Variants in TNRC18 observed in about 807,000 individuals in gnomAD.
TNRC18 encodes the protein trinucleotide repeat containing 18.
A neutral mutation model predicts 226.7 loss-of-function variants in TNRC18; 69 were observed. The ratio of observed to expected loss-of-function variants is 0.30; its 90% CI spans 0.25 to 0.37. The LOEUF is 0.37. TNRC18 is among the 10% of genes least tolerant of loss of function. TNRC18 has a pLI of 1.00. For missense variants in TNRC18, 4,754 were observed against 4,256.6 expected (o/e 1.12, Z -3.25); for synonymous variants, 2,449 against 1,927.6 (o/e 1.27, Z -7.09).
intron 3 of TNRC18, among the ~76,000 whole-genome samples, chr7:5,393,870 G>A (rs535795141): frequency 2.6e-5 from 4 of 152,156 alleles, no homozygotes; most frequent in East Asian, 3.9e-4. Context: ...AGGTCCCCCC[G>A]CTCTGGGAAA....
intron 5 of TNRC18, among the ~76,000 whole-genome samples, chr7:5,385,714 C>T (rs1779724857): frequency 1.3e-5 from 2 of 151,032 alleles, no homozygotes; most frequent in African/African-American, 2.4e-5. Context: ...TGGCTCACAC[C>T]TATAATCCCA....
intron 10 of TNRC18, among the ~76,000 whole-genome samples, chr7:5,372,388 A>T (rs1562568033): frequency 6.7e-6 from 1 of 149,912 alleles, no homozygotes. Flanking sequence ...TGCCCGGCTA[A>T]TTTTTTATAT....
chr7:5,363,420 G>A (rs1163163790), intron 11 of TNRC18, among the ~76,000 whole-genome samples: 2 of 151,874 alleles, frequency 1.3e-5, no homozygotes, highest in African/African-American at 4.8e-5. Flanking sequence ...GGCTAACACG[G>A]TGAAATCCCA....
chr7:5,389,313 C>G lies in TNRC18; in HGVS notation c.511G>C (p.Gly171Arg). 2 of 1,279,512 alleles carry G rather than the reference C, an allele frequency of 1.6e-6. No homozygotes were observed. The allele number at this position is 1,279,512 out of a possible 1,614,324, so 79.3% of individuals were successfully genotyped here. A position where few individuals can be genotyped will look rare whatever the true frequency, so the allele number is the denominator to read the frequency against. The part of the protein sequence containing the change: ...GGDGFYLPTA[G>R]APGSLHSHAP... ...TGAGAGTGCAGGGAGCCCGGAGCCC[C>G]CGCGGTGGGCAGGTAGAAACCGTCT... is the stretch of plus-strand genomic sequence containing the variant. The change falls in exon 5 of 30, where the codon GGG (glycine) becomes CGG (arginine). Residue 171 changes from glycine (G) to arginine (R), a missense_variant. Coordinates refer to ENST00000430969, the MANE Select transcript of TNRC18 (RefSeq NM_001080495.3).
At chr7:5,345,517 G>GTCCCCCCCCCCCC in intron 18 of TNRC18, 45 bp downstream of exon 18, 2 of 377,744 alleles carry the variant, frequency 5.3e-6, no homozygotes, top group Non-Finnish European at 4.8e-6. Flanking sequence ...AATGGCGTCC[G>GTCCCCCCCCCCCC]CCCCTCCCAC....
chr7:5,310,632 T>C (rs1787081469), intron 27 of TNRC18, among the ~76,000 whole-genome samples: 1 of 152,198 alleles, frequency 6.6e-6, no homozygotes, highest in Non-Finnish European at 1.5e-5. Context: ...CCTCCCAAGC[T>C]TAAGTGATCC....
rs935388843 is a variant in TNRC18 at position 5,423,570 on chromosome 7, G to C, written c.-373C>G. On this transcript the variant is annotated 5_prime_UTR_variant, in exon 1 of 30. Coordinates refer to ENST00000430969, the MANE Select transcript of TNRC18 (RefSeq NM_001080495.3). ...CCGCCGCTCCCCTCCGCCACCCGCA[G>C]CCGCCTCACACTTTTTGCCCGCCTT... 3.3e-5 allele frequency: 5 copies of C among 152,104 alleles called. No homozygotes were observed. Among genetic ancestry groups the C allele is most frequent in the African/African-American group, 1.2e-4 (5 of 41,414 alleles). The allele number at this position is 152,104 out of a possible 1,614,324, so 9.4% of individuals were successfully genotyped here.
In TNRC18 at chr7:5,361,635, C is replaced by T. The variant is rs555146367; in HGVS notation, c.4620G>A (p.Ser1540=). 1.8e-5 allele frequency: 28 copies of T among 1,547,664 alleles called. No individual in the cohort carries two copies. Among genetic ancestry groups the T allele is most frequent in the Middle Eastern group, 1.9e-4 (1 of 5,142 alleles). The change falls in exon 14 of 30, where the codon TCG becomes TCA. Residue 1540 remains serine (S), a synonymous_variant. Coordinates refer to ENST00000430969, the MANE Select transcript of TNRC18 (RefSeq NM_001080495.3). ...CGCTCTTCCCTCTCTTGCGGGGGGG[C>T]GACAGGGCGCTCGGGGCGTGGGTCC... The part of the protein sequence containing the change: ...RKRTHAPSAL[S]PPRKRGKSGH...
At chr7:5,335,663 T>C (rs1162546598) in intron 18 of TNRC18, among the ~76,000 whole-genome samples, 1 of 150,048 alleles carries the variant, frequency 6.7e-6, no homozygotes, top group Non-Finnish European at 1.5e-5. Context: ...GCTCTCTCTC[T>C]CCCCAGTGTC....
intron 18 of TNRC18, among the ~76,000 whole-genome samples, chr7:5,342,585 A>G (rs1480259321): frequency 6.6e-6 from 1 of 152,326 alleles, no homozygotes. Context: ...GAATTGTTGC[A>G]ATGTCATGAG....
chr7:5,310,096 T>C (rs1006413484), intron 27 of TNRC18, among the ~76,000 whole-genome samples: 16 of 152,044 alleles, frequency 1.1e-4, no homozygotes, highest in Admixed American at 2.6e-4. Context: ...GAGATGGGGG[T>C]CTCACTATGT....
In TNRC18 at chr7:5,312,987, G is replaced by A. The variant is rs1245758008; in HGVS notation, c.7904C>T (p.Ser2635Phe). The part of the protein sequence containing the change: ...SSSSSSSSSS[S>F]SSSSSSSSSS... ...GGAAGAGGAGGAGGAGGAAGAGGAG[G>A]AGGAGGAAGAGGAGGATGAGGAGGA... Residue 2635 changes from serine to phenylalanine, a missense_variant, in exon 27 of 30, where the codon TCC becomes TTC. Coordinates refer to ENST00000430969, the MANE Select transcript of TNRC18 (RefSeq NM_001080495.3). The surrounding 1 kb of genome is among the most constrained non-coding windows in gnomAD (Gnocchi z 6.3). 1.0e-6 allele frequency: 1 copy of A among 991,246 alleles called. No homozygotes were observed. The highest frequency in any genetic ancestry group is 1.5e-6 in the Non-Finnish European group (1 of 664,462). 61.4% of individuals were successfully genotyped at this position (991,246 alleles called of 1,614,324 possible).
intron 2 of TNRC18, among the ~76,000 whole-genome samples, chr7:5,410,619 ACT>A (rs1163138484): frequency 6.6e-6 from 1 of 151,944 alleles, no homozygotes; most frequent in African/African-American, 2.4e-5. Context: ...TAATCTCAGC[ACT>A]CTGGGAGACC....
chr7:5,360,386 C>T (rs1207790452), intron 14 of TNRC18, among the ~76,000 whole-genome samples: 2 of 152,028 alleles, frequency 1.3e-5, no homozygotes, highest in Non-Finnish European at 2.9e-5. Context: ...CACACCACCA[C>T]ACCTGGCTAA....
intron 16 of TNRC18, among the ~76,000 whole-genome samples, chr7:5,355,868 AC>A (rs1256285144): frequency 3.3e-5 from 5 of 151,852 alleles, no homozygotes; most frequent in Non-Finnish European, 7.4e-5. Flanking sequence ...ATAAGAAGAG[AC>A]CCTGTCTCAA....
At position 5,308,347 on chromosome 7, in the gene TNRC18, G is replaced by GC. The variant is rs760561517; in HGVS notation, c.8701-36_8701-35insG. 3.8e-6 allele frequency: 6 copies of GC among 1,581,896 alleles called. No individual in the cohort carries two copies. In the South Asian group the frequency reaches 4.6e-5, roughly 12 times the overall value. ...CGCGGGGATATCAGGATGGCAGGTG[G>GC]GGGGCACAGAGGCCGAGGGAGCCCC... On this transcript the variant is annotated intron_variant, in intron 29 of 29. Transcript: ENST00000430969.
chr7:5,362,996 A>G (rs756031069), intron 11 of TNRC18, among the ~76,000 whole-genome samples, 171 bp from the exon 12 acceptor site: 1 of 152,202 alleles, frequency 6.6e-6, no homozygotes, highest in Non-Finnish European at 1.5e-5. Flanking sequence ...GCATCTCTAA[A>G]CAAGAACGGG....
At chr7:5,380,068 C>T (rs566691080) in intron 5 of TNRC18, among the ~76,000 whole-genome samples, 52 of 152,198 alleles carry the variant, frequency 3.4e-4, no homozygotes, top group Non-Finnish European at 4.3e-4. Flanking sequence ...ACAGCCATGA[C>T]CCTAATGGGT....
At position 5,351,911 on chromosome 7, in the gene TNRC18, G is replaced by GCCGGCTTGGGTTTCAGAGT; in HGVS notation, c.5359_5377dup (p.Ala1793AspfsTer36). On this transcript the variant is annotated frameshift_variant, in exon 17 of 30. Coordinates refer to ENST00000430969, the MANE Select transcript of TNRC18 (RefSeq NM_001080495.3). LOFTEE classifies it high-confidence loss of function. ...ACAAAACGGCTGCTTCCTGCTGGTG[G>GCCGGCTTGGGTTTCAGAGT]CCGGCTTGGGTTTCAGAGTCCGGGG... 6.2e-7 allele frequency: 1 copy of GCCGGCTTGGGTTTCAGAGT among 1,613,648 alleles called. No homozygotes were observed. Among genetic ancestry groups the GCCGGCTTGGGTTTCAGAGT allele is most frequent in the South Asian group, 1.1e-5 (1 of 91,054 alleles).
Sources: gnomAD v4.1 joint callset for allele counts (sites outside exome capture counted in the v4.1 genomes callset) on GRCh38, gnomAD v4.1.1 for gene constraint, Gnocchi (gnomAD v3.1) non-coding constraint, MANE v1.5 for transcripts, NCBI Gene and HGNC (gene_info 2026-07-23, HGNC 2026-07-21) for gene names.